UCK2: variants seen among roughly 807,000 people sequenced by gnomAD.
UCK2 encodes uridine-cytidine kinase 2, also known as cytidine monophosphokinase 2.
Under a neutral mutation model 30.8 loss-of-function variants are expected in UCK2, and 6 were observed. That is an observed-to-expected ratio of 0.19 (90% CI 0.11 to 0.38). The LOEUF is 0.38. Ranked by LOEUF, UCK2 falls within the 10% of genes least tolerant of loss-of-function variation. The pLI is 1.00. For synonymous variants in UCK2, 125 were observed against 133.6 expected, an observed-to-expected ratio of 0.94 and a Z score of 0.45; for missense variants, 210 against 339.8, an observed-to-expected ratio of 0.62 and a Z score of 3.00.
intron 1 of UCK2, among the ~76,000 whole-genome samples, chr1:165,879,466 T>C (rs777036091): frequency 6.6e-5 from 10 of 152,164 alleles, no homozygotes; most frequent in Non-Finnish European, 1.3e-4. Flanking sequence ...AAATAAGAGT[T>C]TGGCCCATAT....
At chr1:165,853,896 G>T (rs1309212865) in intron 1 of UCK2, among the ~76,000 whole-genome samples, 1 of 152,152 alleles carries the variant, frequency 6.6e-6, no homozygotes, top group Non-Finnish European at 1.5e-5. Flanking sequence ...CTTTTGGAAT[G>T]TCCACTCATG....
At position 165,861,658 on chromosome 1, in the gene UCK2, AACAAC is replaced by A. The variant is rs1557838644; in HGVS notation, c.100-28544_100-28540del. 3.8e-4 allele frequency among the ~76,000 whole-genome samples: 19 copies of A among 49,800 alleles called. 4 individuals are homozygous for A. Among genetic ancestry groups the A allele is most frequent in the African/African-American group, 1.4e-3 (15 of 10,706 alleles). 32.7% of individuals were successfully genotyped at this position (49,800 alleles called of 152,430 possible). On this transcript the variant is annotated intron_variant, in intron 1 of 6. Coordinates refer to ENST00000367879, the MANE Select transcript of UCK2 (RefSeq NM_012474.5). Reference sequence around the variant, plus strand: ...AAAAAAAAAAAAAAAAACAAAAAAAAACAACAGTAAAACTCAATAGCTCTGGTTTA... The same window carrying A: ...AAAAAAAAAAAAAAAAACAAAAAAAAAGTAAAACTCAATAGCTCTGGTTTA...
chr1:165,827,622 GA>G lies in UCK2; in HGVS notation c.-211del, dbSNP rs1203119352. The G allele has an allele frequency of 2.6e-6, 1 of 382,218 alleles. No homozygotes were observed. The highest frequency in any genetic ancestry group is 6.8e-4 in the Middle Eastern group (1 of 1,462). The allele number at this position is 382,218 out of a possible 1,614,324, so 23.7% of individuals were successfully genotyped here. A position where few individuals can be genotyped will look rare whatever the true frequency, so the allele number is the denominator to read the frequency against. On this transcript the variant is annotated 5_prime_UTR_variant, in exon 1 of 7. Transcript: ENST00000367879. ...TGACCTCTGCCTGGGATGTAAACCG[GA>G]CCAGCCGCTGCGGGCAAAGGAAGGC...
chr1:165,897,813 G>A (rs1243764777), intron 4 of UCK2, among the ~76,000 whole-genome samples: 1 of 152,190 alleles, frequency 6.6e-6, no homozygotes, highest in East Asian at 1.9e-4. Flanking sequence ...GCTACATCTT[G>A]CTCCCAGGTG....
chr1:165,850,287 C>T (rs571659653), intron 1 of UCK2, among the ~76,000 whole-genome samples: 22 of 151,988 alleles, frequency 1.4e-4, no homozygotes, highest in Non-Finnish European at 2.2e-4. Context: ...TGCCCAACCA[C>T]GCCCGGCTAA....
rs186868767 is a variant in UCK2, at chr1:165,881,133, A to G, written c.100-9071A>G. Among the ~76,000 whole-genome samples the G allele has an allele frequency of 8.7e-3, 1,273 of 145,802 alleles. 29 individuals are homozygous for G. Among genetic ancestry groups the G allele is most frequent in the Admixed American group, 0.053 (738 of 13,964 alleles). On this transcript the variant is annotated intron_variant, in intron 1 of 6. Coordinates refer to ENST00000367879, the MANE Select transcript of UCK2 (RefSeq NM_012474.5). ...GGTTGCAGTGAGCTGAGATCACGCC[A>G]CTGTACTCCAGCCTGGGCGACAGAG...
intron 1 of UCK2, among the ~76,000 whole-genome samples, chr1:165,839,158 CT>C (rs566527422): frequency 4.0e-5 from 6 of 150,986 alleles, no homozygotes; most frequent in Non-Finnish European, 5.9e-5. Flanking sequence ...TAACTCAATG[CT>C]TTTTTTTTGA....
intron 1 of UCK2, among the ~76,000 whole-genome samples, chr1:165,876,958 ATGATC>A (rs1655352903): frequency 6.6e-6 from 1 of 152,230 alleles, no homozygotes; most frequent in Non-Finnish European, 1.5e-5. Flanking sequence ...CTAATTCAGG[ATGATC>A]TCATCTCAAG....
rs114458489 is a variant in UCK2 at position 165,851,429 on chromosome 1, C to A, written c.99+23497C>A. On this transcript the variant is annotated intron_variant, in intron 1 of 6. Transcript: ENST00000367879. ...GTTAATAGGAGTGCCCTCAGCCCAA[C>A]CTGAGTACCTTGTGTAGATAGTCTG... is the stretch of plus-strand genomic sequence containing the variant. Among the ~76,000 whole-genome samples, 532 of 152,200 alleles carry A rather than the reference C, an allele frequency of 3.5e-3. 4 individuals carry two copies. Among genetic ancestry groups the A allele is most frequent in the African/African-American group, 0.012 (504 of 41,520 alleles).
chr1:165,903,024 C>T (rs1448081492), intron 4 of UCK2, 158 bp from the exon 5 acceptor site: 16 of 520,244 alleles, frequency 3.1e-5, no homozygotes, highest in South Asian at 6.7e-5. Context: ...TTTCCGAAGC[C>T]GCTGCTGATC....
intron 4 of UCK2, among the ~76,000 whole-genome samples, chr1:165,896,735 G>A (rs1308535274): frequency 6.6e-6 from 1 of 152,244 alleles, no homozygotes; most frequent in African/African-American, 2.4e-5. Context: ...CCCTGTGCCT[G>A]AAGTACTGGG....
rs1403874888 is a variant in UCK2 at position 165,839,933 on chromosome 1, G to A, written c.99+12001G>A. On this transcript the variant is annotated intron_variant, in intron 1 of 6. Coordinates refer to ENST00000367879, the MANE Select transcript of UCK2 (RefSeq NM_012474.5). ...TGGTTGGCCAGCCTTCCCCCACCCC[G>A]GCCCCCGCCCCAGACAGAGTCCTGC... 2.0e-5 allele frequency among the ~76,000 whole-genome samples: 3 copies of A among 149,820 alleles called. No homozygotes were observed. In the South Asian group the frequency reaches 6.5e-4, roughly 32 times the overall value.
chr1:165,838,405 G>T (rs1654247515), intron 1 of UCK2, among the ~76,000 whole-genome samples: 1 of 152,164 alleles, frequency 6.6e-6, no homozygotes, highest in African/African-American at 2.4e-5. Context: ...TGTTCATTCT[G>T]CCAGGGCATC....
intron 1 of UCK2, among the ~76,000 whole-genome samples, chr1:165,847,797 C>G (rs534374952): frequency 1.3e-5 from 2 of 151,590 alleles, no homozygotes; most frequent in Admixed American, 6.6e-5. Context: ...AGGGTTTTTT[C>G]TTTGTTTGTT....
At chr1:165,882,821 C>A (rs1655530195) in intron 1 of UCK2, among the ~76,000 whole-genome samples, 1 of 152,226 alleles carries the variant, frequency 6.6e-6, no homozygotes, top group Middle Eastern at 3.4e-3. Context: ...CAGACCTTAA[C>A]ACTCACTCTT....
At chr1:165,843,044 T>A (rs573103603) in intron 1 of UCK2, among the ~76,000 whole-genome samples, 1 of 152,320 alleles carries the variant, frequency 6.6e-6, no homozygotes, top group African/African-American at 2.4e-5. Flanking sequence ...TAGGAAGTGT[T>A]CTGTCAGTTG....
intron 3 of UCK2, 53 bp downstream of exon 3, chr1:165,891,375 C>G (rs1016038131): frequency 2.6e-5 from 40 of 1,519,556 alleles, no homozygotes; most frequent in Non-Finnish European, 3.5e-5. Flanking sequence ...GCAGAGCATC[C>G]CTGGTCTGCA....
intron 1 of UCK2, among the ~76,000 whole-genome samples, chr1:165,868,745 G>C (rs114496136): frequency 6.6e-6 from 1 of 152,142 alleles, no homozygotes; most frequent in African/African-American, 2.4e-5. Flanking sequence ...AACTTTCTTC[G>C]TATCAGTAAT....
At chr1:165,838,322 C>G (rs1040071616) in intron 1 of UCK2, among the ~76,000 whole-genome samples, 6 of 152,146 alleles carry the variant, frequency 3.9e-5, no homozygotes, top group Non-Finnish European at 7.4e-5. Flanking sequence ...GCAGTGGCTT[C>G]CCATTTTACT....
Sources: allele counts gnomAD v4.1 joint callset (sites outside exome capture counted in the v4.1 genomes callset), GRCh38; gene constraint gnomAD v4.1.1; transcripts MANE v1.5; gene names NCBI Gene and HGNC (gene_info 2026-07-23, HGNC 2026-07-21).